MALL: variants seen among roughly 807,000 people sequenced by gnomAD.
MALL encodes the protein MAL-like protein.
In MALL, 2 loss-of-function variants were observed where a neutral mutation model predicts 10.3. The ratio of observed to expected loss-of-function variants is 0.19; its 90% CI spans 0.08 to 0.61. MALL has a LOEUF of 0.61. Ranked by LOEUF, MALL falls within the 20% of genes least tolerant of loss-of-function variation. The pLI, the probability that MALL is intolerant of heterozygous loss-of-function variation, is 0.88. For synonymous variants in MALL, 27 were observed against 51.8 expected (o/e 0.52, Z 2.05); for missense variants, 39 against 115.2 (o/e 0.34, Z 3.03).
At chr2:110,106,681 C>T (rs944868791) in intron 1 of MALL, among the ~76,000 whole-genome samples, 4 of 152,126 alleles carry the variant, frequency 2.6e-5, no homozygotes, top group African/African-American at 7.2e-5. Context: ...ATAAAGCGTA[C>T]ACTTACTACA....
At chr2:110,098,711 A>G (rs1156844176) in intron 1 of MALL, among the ~76,000 whole-genome samples, 1 of 152,146 alleles carries the variant, frequency 6.6e-6, no homozygotes, top group Non-Finnish European at 1.5e-5. Flanking sequence ...ACACTCCTGA[A>G]AAGGAAAAAA....
intron 1 of MALL, among the ~76,000 whole-genome samples, chr2:110,107,692 T>C (rs1481861222): frequency 6.6e-6 from 1 of 152,206 alleles, no homozygotes; most frequent in African/African-American, 2.4e-5. Context: ...CTACAGCTGC[T>C]GCTTTTTGGA....
chr2:110,102,106 G>A (rs951594326), intron 1 of MALL, among the ~76,000 whole-genome samples: 2 of 152,120 alleles, frequency 1.3e-5, no homozygotes, highest in Admixed American at 6.5e-5. Flanking sequence ...CTGGACTCAG[G>A]CTCAGGGGAA....
At chr2:110,103,238 C>T (rs1050788877) in intron 1 of MALL, among the ~76,000 whole-genome samples, 14 of 152,078 alleles carry the variant, frequency 9.2e-5, no homozygotes, top group African/African-American at 3.1e-4. Context: ...AGGGCTGGCC[C>T]TGTCCAATGG....
At chr2:110,102,764 G>A (rs1469681212) in intron 1 of MALL, among the ~76,000 whole-genome samples, 1 of 152,148 alleles carries the variant, frequency 6.6e-6, no homozygotes, top group Non-Finnish European at 1.5e-5. Context: ...GGGAGCAACT[G>A]TCCCTCAGGA....
upstream of MALL, among the ~76,000 whole-genome samples, chr2:110,117,144 A>C (rs1300994472): frequency 6.6e-6 from 1 of 152,102 alleles, no homozygotes; most frequent in African/African-American, 2.4e-5. Context: ...ACTAGGAAGT[A>C]AGGGAGACCC....
chr2:110,105,827 G>A (rs1678675183), intron 1 of MALL, among the ~76,000 whole-genome samples: 1 of 152,156 alleles, frequency 6.6e-6, no homozygotes, highest in Admixed American at 6.5e-5. Flanking sequence ...AGTCCACAGA[G>A]AGTTGGCCCT....
chr2:110,107,352 T>C (rs1439541315), intron 1 of MALL, among the ~76,000 whole-genome samples: 1 of 151,342 alleles, frequency 6.6e-6, no homozygotes, highest in Non-Finnish European at 1.5e-5. Flanking sequence ...TGCTGGGGGG[T>C]ACACAGAGGG....
At chr2:110,108,753 G>A (rs1472291302) in intron 1 of MALL, among the ~76,000 whole-genome samples, 1 of 152,154 alleles carries the variant, frequency 6.6e-6, no homozygotes, top group Non-Finnish European at 1.5e-5. Context: ...GTTATCCAAA[G>A]TTAAGACGAA....
At chr2:110,117,096 A>G (rs1192233163), upstream of MALL, among the ~76,000 whole-genome samples, 1 of 152,142 alleles carries the variant, frequency 6.6e-6, no homozygotes, top group Non-Finnish European at 1.5e-5. Context: ...AGTGGATCTC[A>G]AACCAGACTG....
At chr2:110,115,159 G>A (rs1046889193) in intron 1 of MALL, among the ~76,000 whole-genome samples, 1 of 152,178 alleles carries the variant, frequency 6.6e-6, no homozygotes, top group Non-Finnish European at 1.5e-5. Context: ...CAGCGGACGT[G>A]ACAATTAAGA....
At chr2:110,096,480 G>A (rs1432242636) in intron 1 of MALL, among the ~76,000 whole-genome samples, 1 of 152,014 alleles carries the variant, frequency 6.6e-6, no homozygotes, top group African/African-American at 2.4e-5. Context: ...GGTGAATGTT[G>A]GCTGTAGTAG....
chr2:110,096,882 T>G (rs1466455894), intron 1 of MALL, among the ~76,000 whole-genome samples: 5 of 95,812 alleles, frequency 5.2e-5, no homozygotes, highest in Non-Finnish European at 1.3e-4. Context: ...ATCAAAACAT[T>G]AAATGCCCAT....
upstream of MALL, chr2:110,115,912 C>A: frequency 2.4e-6 from 1 of 418,600 alleles, no homozygotes; most frequent in Non-Finnish European, 4.1e-6. Flanking sequence ...AAAAAACGTT[C>A]CAGCCGAGCA....
intron 1 of MALL, among the ~76,000 whole-genome samples, chr2:110,100,199 C>T (rs765894308): frequency 1.3e-5 from 2 of 152,126 alleles, no homozygotes; most frequent in Non-Finnish European, 2.9e-5. Flanking sequence ...CTGAAGCCAA[C>T]AGGGCATAAT....
chr2:110,107,275 G>C (rs997796455), intron 1 of MALL, among the ~76,000 whole-genome samples: 3 of 152,116 alleles, frequency 2.0e-5, no homozygotes, highest in Non-Finnish European at 2.9e-5. Flanking sequence ...GGGAAGCTGG[G>C]GAGGAGGATA....
intron 1 of MALL, among the ~76,000 whole-genome samples, chr2:110,100,667 C>T (rs1026522964): frequency 3.3e-5 from 5 of 152,150 alleles, no homozygotes; most frequent in South Asian, 2.1e-4. Context: ...CTTGCTCCAG[C>T]GTGCCTTCCT....
chr2:110,106,155 C>G (rs1678683932), intron 1 of MALL, among the ~76,000 whole-genome samples: 1 of 152,188 alleles, frequency 6.6e-6, no homozygotes, highest in African/African-American at 2.4e-5. Context: ...TCAAAAATCT[C>G]ATAAGTCAAC....
chr2:110,107,329 A>G (rs527872176), intron 1 of MALL, among the ~76,000 whole-genome samples: 1 of 151,546 alleles, frequency 6.6e-6, no homozygotes, highest in Non-Finnish European at 1.5e-5. Context: ...CCACCTAGAA[A>G]CAGACTTGGG....
Sources: allele counts gnomAD v4.1 joint callset (sites outside exome capture counted in the v4.1 genomes callset), GRCh38; gene constraint gnomAD v4.1.1; transcripts MANE v1.5; gene names NCBI Gene and HGNC (gene_info 2026-07-23, HGNC 2026-07-21).